The following VPS26A variants were observed in gnomAD, a reference collection of about 807,000 sequenced individuals.
VPS26A encodes the protein VPS26 retromer complex component A.
Under a neutral mutation model 42.4 loss-of-function variants are expected in VPS26A, and 22 were observed. The observed-to-expected ratio is 0.52, with a 90% confidence interval of 0.37 to 0.74. The LOEUF (loss-of-function observed/expected upper bound fraction) is 0.74. Among genes scored for constraint, VPS26A ranks in the 30% least tolerant of loss-of-function variants. The pLI is 0.00. For missense variants in VPS26A, 276 were observed against 379.2 expected, an observed-to-expected ratio of 0.73 and a Z score of 2.26; for synonymous variants, 110 against 123.5, an observed-to-expected ratio of 0.89 and a Z score of 0.73.
At chr10:69,132,773 C>G (rs1840814488) in intron 1 of VPS26A, 125 bp from the exon 2 acceptor site, 1 of 1,001,428 alleles carries the variant, frequency 1.0e-6, no homozygotes, top group African/African-American at 1.7e-5. Flanking sequence ...ATGTTTTTAT[C>G]ATTTCCTTAT....
intron 2 of VPS26A, among the ~76,000 whole-genome samples, chr10:69,149,933 AG>A (rs1396098577): frequency 2.0e-5 from 3 of 151,750 alleles, no homozygotes; most frequent in African/African-American, 7.3e-5. Context: ...TAGTAGAAAT[AG>A]GGTTTCACCA....
intron 1 of VPS26A, among the ~76,000 whole-genome samples, chr10:69,126,122 C>T (rs1331908772): frequency 6.6e-6 from 1 of 152,028 alleles, no homozygotes; most frequent in Non-Finnish European, 1.5e-5. Flanking sequence ...TCCAAATGCG[C>T]CCTTGAAGAT....
chr10:69,129,570 CAG>C lies in VPS26A; in HGVS notation c.4-3325_4-3324del, dbSNP rs1399776071. Among the ~76,000 whole-genome samples the C allele has an allele frequency of 4.0e-5, 6 of 149,352 alleles. 1 individual carries two copies. The highest frequency in any genetic ancestry group is 1.5e-4 in the African/African-American group (6 of 40,236). On this transcript the variant is annotated intron_variant, in intron 1 of 8. Coordinates refer to ENST00000263559, the MANE Select transcript of VPS26A (RefSeq NM_004896.5). ...AAAAAAAATTTTTTTTTTTTTTAAACAGAGTCTCACTCTGTCCCGAGGGCTGG... is the reference window on the plus strand; with the variant it reads ...AAAAAAAATTTTTTTTTTTTTTAAACAGTCTCACTCTGTCCCGAGGGCTGG...
At chr10:69,165,748 C>T (rs1468922655) in intron 6 of VPS26A, among the ~76,000 whole-genome samples, 3 of 152,028 alleles carry the variant, frequency 2.0e-5, no homozygotes, top group Non-Finnish European at 4.4e-5. Flanking sequence ...AGTTTGAGAC[C>T]AGCCTGGGCA....
At chr10:69,147,413 G>A (rs1841185749) in intron 2 of VPS26A, among the ~76,000 whole-genome samples, 1 of 151,054 alleles carries the variant, frequency 6.6e-6, no homozygotes, top group South Asian at 2.1e-4. Context: ...TTTTGATGAG[G>A]TCCAATTTAT....
At chr10:69,153,926 G>C (rs574097232) in intron 2 of VPS26A, among the ~76,000 whole-genome samples, 37 of 152,254 alleles carry the variant, frequency 2.4e-4, no homozygotes, top group Non-Finnish European at 4.7e-4. Flanking sequence ...CAGTGAACAA[G>C]TGAATAAATG....
chr10:69,159,723 A>G (rs1841511083), intron 5 of VPS26A, among the ~76,000 whole-genome samples: 1 of 152,196 alleles, frequency 6.6e-6, no homozygotes, highest in Non-Finnish European at 1.5e-5. Flanking sequence ...ATCTAAAAAT[A>G]TTAGTAATTC....
At chr10:69,158,512 A>C (rs1841482079) in intron 5 of VPS26A, among the ~76,000 whole-genome samples, 1 of 151,896 alleles carries the variant, frequency 6.6e-6, no homozygotes, top group Non-Finnish European at 1.5e-5. Flanking sequence ...ATATTACCTC[A>C]TCCTAGCCAT....
intron 2 of VPS26A, among the ~76,000 whole-genome samples, chr10:69,142,218 CTG>C: frequency 8.1e-6 from 1 of 123,150 alleles, no homozygotes; most frequent in Non-Finnish European, 1.6e-5. Context: ...TGGGGTCTCA[CTG>C]TGTTGCCCAG....
At chr10:69,161,704 AG>A in intron 5 of VPS26A, 2 of 389,000 alleles carry the variant, frequency 5.1e-6, no homozygotes, top group Non-Finnish European at 5.1e-6. Flanking sequence ...TTCAGCACAA[AG>A]GGCCTCCACC....
rs1374861617 is a variant in VPS26A at position 69,173,742 on chromosome 10, G to A, written c.*2473G>A. On this transcript the variant is annotated 3_prime_UTR_variant, in exon 9 of 9. Coordinates refer to ENST00000263559, the MANE Select transcript of VPS26A (RefSeq NM_004896.5). ...AGGCTGGGCACAGTGGCTCACGCCT[G>A]TAATCCCAGCACTTTGGGAGGCTGA... is the stretch of plus-strand genomic sequence containing the variant. Among the ~76,000 whole-genome samples the A allele has an allele frequency of 6.6e-6, 1 of 152,188 alleles. No individual in the cohort carries two copies.
intron 1 of VPS26A, 46 bp downstream of exon 1, chr10:69,124,326 G>A (rs1371893417): frequency 8.1e-7 from 1 of 1,238,216 alleles, no homozygotes; most frequent in East Asian, 3.2e-5. Context: ...CCTCGTCCCG[G>A]AGCGCGCGGC....
intron 1 of VPS26A, among the ~76,000 whole-genome samples, chr10:69,132,330 A>G (rs146324111): frequency 2.5e-5 from 3 of 121,406 alleles, no homozygotes; most frequent in Non-Finnish European, 5.7e-5. Context: ...GCATGCTGAA[A>G]TTTGTTTAGG....
chr10:69,136,734 C>T (rs938788157), intron 2 of VPS26A, among the ~76,000 whole-genome samples: 6 of 152,092 alleles, frequency 3.9e-5, no homozygotes, highest in African/African-American at 1.2e-4. Context: ...TGGTACAGCT[C>T]ATATAGAAAA....
intron 2 of VPS26A, among the ~76,000 whole-genome samples, chr10:69,146,443 A>C (rs1209952590): frequency 6.6e-6 from 1 of 152,222 alleles, no homozygotes; most frequent in Admixed American, 6.5e-5. Flanking sequence ...AAAATTTGCC[A>C]TTTTAACAGT....
chr10:69,165,954 A>AG, intron 6 of VPS26A, 88 bp from the exon 7 acceptor site: 1 of 1,326,252 alleles, frequency 7.5e-7, no homozygotes, highest in East Asian at 2.4e-5. Context: ...TCTAAAAAAA[A>AG]ATAATGTAGT....
rs191663640 is a variant in VPS26A, at chr10:69,138,766, T to A, written c.153+5719T>A. 6.2e-3 allele frequency among the ~76,000 whole-genome samples: 951 copies of A among 152,332 alleles called. 16 individuals are homozygous for A. The highest frequency in any genetic ancestry group is 0.022 in the African/African-American group (902 of 41,574). ...CTTAACCTCTTATGTTACATGTATATCTCCTTTCTTCTGCATCAAGAATAC... is the reference window on the plus strand; with the variant it reads ...CTTAACCTCTTATGTTACATGTATAACTCCTTTCTTCTGCATCAAGAATAC... On this transcript the variant is annotated intron_variant, in intron 2 of 8. Transcript: ENST00000263559.
Position 69,160,683 on chromosome 10 carries a change from C to T in VPS26A, c.552-1723C>T, listed in dbSNP as rs1253447328. On this transcript the variant is annotated intron_variant, in intron 5 of 8. Transcript: ENST00000263559. The stretch of plus-strand genomic sequence containing the variant: ...GCTAGGCTGGTCTTGAACTCCTGAC[C>T]TCAGGTGATCTGCCCGCCTTGGTCT... Among the ~76,000 whole-genome samples, 3 of 152,068 alleles carry T rather than the reference C, an allele frequency of 2.0e-5. No individual in the cohort carries two copies. In the East Asian group the frequency reaches 5.8e-4, roughly 29 times the overall value.
At chr10:69,170,618 G>A (rs1381622767) in intron 8 of VPS26A, among the ~76,000 whole-genome samples, 2 of 152,170 alleles carry the variant, frequency 1.3e-5, no homozygotes, top group Non-Finnish European at 2.9e-5. Context: ...GGCCGATGGG[G>A]GAAAATGGTC....
Sources: allele counts gnomAD v4.1 joint callset (sites outside exome capture counted in the v4.1 genomes callset), GRCh38; gene constraint gnomAD v4.1.1; transcripts MANE v1.5; gene names NCBI Gene and HGNC (gene_info 2026-07-23, HGNC 2026-07-21).